RPS6KC1: variants seen among roughly 807,000 people sequenced by gnomAD.
The protein encoded by RPS6KC1 is inactive ribosomal protein S6 kinase delta-1.
A neutral mutation model predicts 103.8 loss-of-function variants in RPS6KC1; 54 were observed. That is an observed-to-expected ratio of 0.52 (90% CI 0.42 to 0.65). The LOEUF is 0.65. Ranked by LOEUF, RPS6KC1 falls within the 30% of genes least tolerant of loss-of-function variation. RPS6KC1 has a pLI of 0.00. For missense variants in RPS6KC1, 1,151 were observed against 1,253.8 expected (o/e 0.92, Z 1.24); for synonymous variants, 439 against 438.7 (o/e 1.00, Z -0.01).
At chr1:213,278,303 C>T (rs568699456), downstream of RPS6KC1, among the ~76,000 whole-genome samples, 2 of 151,754 alleles carry the variant, frequency 1.3e-5, no homozygotes, top group East Asian at 3.9e-4. Context: ...TCAAAGGGGA[C>T]TGTAGAAGAA....
the RPS6KC1 span, among the ~76,000 whole-genome samples, chr1:213,460,296 T>C: frequency 6.6e-6 from 1 of 152,198 alleles, no homozygotes; most frequent in South Asian, 2.1e-4. Context: ...GATAGTTAGC[T>C]CTTCTTGTTG....
chr1:213,333,771 G>A, the RPS6KC1 span, among the ~76,000 whole-genome samples: 1 of 152,066 alleles, frequency 6.6e-6, no homozygotes, highest in Non-Finnish European at 1.5e-5. Context: ...CAATTCTCCT[G>A]CCTCCTGAAG....
the RPS6KC1 span, among the ~76,000 whole-genome samples, chr1:213,331,775 G>C: frequency 7.9e-5 from 12 of 152,180 alleles, no homozygotes; most frequent in East Asian, 2.1e-3. Context: ...TGTGGGCCAG[G>C]GCCTACGTCA....
At chr1:213,418,920 G>T in the RPS6KC1 span, among the ~76,000 whole-genome samples, 2 of 152,238 alleles carry the variant, frequency 1.3e-5, no homozygotes, top group African/African-American at 4.8e-5. Context: ...CGGCTCACCG[G>T]GGTCTCCTGG....
intron 10 of RPS6KC1, among the ~76,000 whole-genome samples, chr1:213,233,896 G>T (rs551278210): frequency 6.6e-6 from 1 of 152,050 alleles, no homozygotes; most frequent in African/African-American, 2.4e-5. Context: ...TATAAAGATA[G>T]TAAATTATAG....
the RPS6KC1 span, among the ~76,000 whole-genome samples, chr1:213,750,151 T>C: frequency 6.6e-6 from 1 of 152,222 alleles, no homozygotes; most frequent in Non-Finnish European, 1.5e-5. Context: ...TTAGGGACAA[T>C]GTCTCCATGA....
the RPS6KC1 span, among the ~76,000 whole-genome samples, chr1:213,290,640 T>C: frequency 6.6e-6 from 1 of 152,190 alleles, no homozygotes; most frequent in Admixed American, 6.5e-5. Context: ...TTTAGATTTT[T>C]GTTTGTAATT....
chr1:213,602,194 C>CTTTCTTTCTTTCTTTCTTTT, the RPS6KC1 span, among the ~76,000 whole-genome samples: 2 of 75,206 alleles, frequency 2.7e-5, no homozygotes, highest in African/African-American at 1.2e-4. Flanking sequence ...TTCTTTTTCC[C>CTTTCTTTCTTTCTTTCTTTT]TCCCTCCCTC....
At chr1:213,073,776 A>G (rs1248998076) in intron 2 of RPS6KC1, among the ~76,000 whole-genome samples, 4 of 152,054 alleles carry the variant, frequency 2.6e-5, no homozygotes, top group African/African-American at 9.7e-5. Context: ...CCCGGGCTCA[A>G]GTGATTCTCC....
chr1:213,775,599 C>A, the RPS6KC1 span, among the ~76,000 whole-genome samples: 1 of 152,178 alleles, frequency 6.6e-6, no homozygotes. Flanking sequence ...TCATTTGAGC[C>A]TTCAGCACAT....
At chr1:213,263,094 G>A (rs1400274121) in intron 14 of RPS6KC1, among the ~76,000 whole-genome samples, 1 of 152,116 alleles carries the variant, frequency 6.6e-6, no homozygotes, top group Non-Finnish European at 1.5e-5. Context: ...TCTGTGATTT[G>A]AGTATTGCTT....
chr1:213,780,980 G>A, the RPS6KC1 span, among the ~76,000 whole-genome samples: 2 of 152,166 alleles, frequency 1.3e-5, no homozygotes, highest in African/African-American at 2.4e-5. Context: ...TCAAGATCAT[G>A]CCACTGCACT....
the RPS6KC1 span, among the ~76,000 whole-genome samples, chr1:213,809,589 G>A: frequency 2.0e-5 from 3 of 152,240 alleles, no homozygotes; most frequent in Non-Finnish European, 2.9e-5. Context: ...GTTGGCCAAA[G>A]TTTACTACAT....
At chr1:213,081,337 G>A (rs2079860079) in intron 3 of RPS6KC1, among the ~76,000 whole-genome samples, 1 of 152,186 alleles carries the variant, frequency 6.6e-6, no homozygotes, top group Non-Finnish European at 1.5e-5. Flanking sequence ...ACCACATGAC[G>A]AGAGAAGGAA....
the RPS6KC1 span, among the ~76,000 whole-genome samples, chr1:213,787,047 T>G: frequency 6.6e-6 from 1 of 152,212 alleles, no homozygotes; most frequent in Admixed American, 6.5e-5. Flanking sequence ...AATTAAGAGA[T>G]AAACTGACAA....
intron 6 of RPS6KC1, among the ~76,000 whole-genome samples, chr1:213,147,738 A>G (rs1399202351): frequency 6.6e-6 from 1 of 152,188 alleles, no homozygotes; most frequent in Non-Finnish European, 1.5e-5. Context: ...GAAGAACGTC[A>G]TTGATATTTT....
chr1:213,525,662 A>T, the RPS6KC1 span, among the ~76,000 whole-genome samples: 1 of 152,112 alleles, frequency 6.6e-6, no homozygotes, highest in African/African-American at 2.4e-5. Flanking sequence ...TGGTAGGAGG[A>T]GAATAAGGAG....
the RPS6KC1 span, among the ~76,000 whole-genome samples, chr1:213,674,312 C>T: frequency 2.0e-5 from 3 of 152,208 alleles, no homozygotes; most frequent in Admixed American, 6.5e-5. Context: ...AGCCACTGCA[C>T]CTGGCTTGTA....
the RPS6KC1 span, among the ~76,000 whole-genome samples, chr1:213,403,163 A>G: frequency 6.6e-6 from 1 of 152,090 alleles, no homozygotes; most frequent in Admixed American, 6.6e-5. Flanking sequence ...AAATATTTTA[A>G]AAATATAAAA....
Sources: gnomAD v4.1 joint callset for allele counts (sites outside exome capture counted in the v4.1 genomes callset) on GRCh38, gnomAD v4.1.1 for gene constraint, MANE v1.5 for transcripts, NCBI Gene and HGNC (gene_info 2026-07-23, HGNC 2026-07-21) for gene names.